TNFAIP8L3: variants seen among roughly 807,000 people sequenced by gnomAD.
TNFAIP8L3 encodes TNF alpha induced protein 8 like 3, also known as tumor necrosis factor alpha-induced protein 8-like protein 3.
A neutral mutation model predicts 11.8 loss-of-function variants in TNFAIP8L3; 7 were observed. The observed-to-expected ratio is 0.59, with a 90% confidence interval of 0.34 to 1.11. The LOEUF (loss-of-function observed/expected upper bound fraction) is 1.11. Ranked by LOEUF, TNFAIP8L3 falls within the 50% of genes most tolerant of loss-of-function variation. TNFAIP8L3 has a pLI of 0.03. For synonymous variants in TNFAIP8L3, 98 were observed against 103.8 expected (o/e 0.94, Z 0.34); for missense variants, 219 against 258.6 (o/e 0.85, Z 1.05).
intron 1 of TNFAIP8L3, among the ~76,000 whole-genome samples, chr15:51,058,895 T>G (rs2065223959): frequency 6.6e-6 from 1 of 152,192 alleles, no homozygotes; most frequent in African/African-American, 2.4e-5. Flanking sequence ...CAGACATGGA[T>G]AGTTGATCAT....
Position 51,094,601 on chromosome 15 carries a change from G to C in TNFAIP8L3, c.-6C>G. On this transcript the variant is annotated 5_prime_UTR_variant, in exon 1 of 2. Transcript: ENST00000637513. The surrounding 1 kb of genome is among the most constrained non-coding windows in gnomAD (Gnocchi z 4.4). ...TCCCCGGAATCCGAATCCATGCTGC[G>C]GGCTGCTGGCTGGGCGTCCACGGCC... The C allele has an allele frequency of 6.7e-7, 1 of 1,483,948 alleles. No homozygotes were observed. The highest frequency in any genetic ancestry group is 8.9e-7 in the Non-Finnish European group (1 of 1,121,294). 91.9% of individuals were successfully genotyped at this position (1,483,948 alleles called of 1,614,324 possible). A position where few individuals can be genotyped will look rare whatever the true frequency, so the allele number is the denominator to read the frequency against.
At chr15:51,085,139 A>G (rs1333870406) in intron 1 of TNFAIP8L3, among the ~76,000 whole-genome samples, 2 of 152,196 alleles carry the variant, frequency 1.3e-5, no homozygotes, top group Non-Finnish European at 2.9e-5. Context: ...GTTAAATCCT[A>G]AAGGTAGAGA....
chr15:51,103,109 C>T lies in TNFAIP8L3; in HGVS notation c.172+1896G>A, dbSNP rs572272014. Among the ~76,000 whole-genome samples, 7 of 152,250 alleles carry T rather than the reference C, an allele frequency of 4.6e-5. No homozygotes were observed. In the East Asian group the frequency reaches 5.8e-4, roughly 13 times the overall value. On this transcript the variant is annotated intron_variant, in intron 1 of 2. Transcript: ENST00000327536. ...TCTATCTATCCAACATTTTCTTTCC[C>T]GCCAAGTCTTCTCTTGGCATTGTCC...
intron 1 of TNFAIP8L3, among the ~76,000 whole-genome samples, chr15:51,082,489 A>G (rs2065399423): frequency 6.6e-6 from 1 of 152,210 alleles, no homozygotes; most frequent in African/African-American, 2.4e-5. Context: ...ATAACTGTAC[A>G]CTACTATAGA....
At chr15:51,059,834 C>T (rs541865532) in intron 1 of TNFAIP8L3, among the ~76,000 whole-genome samples, 9 of 152,352 alleles carry the variant, frequency 5.9e-5, no homozygotes, top group East Asian at 3.9e-4. Context: ...GCAGACAGAG[C>T]GACGGCCACA....
At chr15:51,074,034 T>C (rs2065332291) in intron 1 of TNFAIP8L3, among the ~76,000 whole-genome samples, 1 of 152,256 alleles carries the variant, frequency 6.6e-6, no homozygotes, top group South Asian at 2.1e-4. Flanking sequence ...ATGATGCATA[T>C]GTATTTACTA....
At chr15:51,084,608 A>G (rs1013441427) in intron 1 of TNFAIP8L3, among the ~76,000 whole-genome samples, 2 of 152,124 alleles carry the variant, frequency 1.3e-5, no homozygotes, top group African/African-American at 4.8e-5. Flanking sequence ...CTGTTCTATG[A>G]TTTCACAGTC....
At chr15:51,098,932 G>C (rs537368300), upstream of TNFAIP8L3, among the ~76,000 whole-genome samples, 1 of 152,258 alleles carries the variant, frequency 6.6e-6, no homozygotes, top group South Asian at 2.1e-4. Context: ...CCAATTTTCT[G>C]CTATAATAGC....
chr15:51,080,735 G>A (rs150440740), intron 1 of TNFAIP8L3, among the ~76,000 whole-genome samples: 1 of 152,368 alleles, frequency 6.6e-6, no homozygotes, highest in African/African-American at 2.4e-5. Context: ...ACCATGTAAG[G>A]TGTACTTAAA....
intron 1 of TNFAIP8L3, chr15:51,069,357 T>C (rs553968398): frequency 8.5e-5 from 13 of 152,238 alleles, no homozygotes; most frequent in Non-Finnish European, 1.6e-4. Flanking sequence ...TTAAGGGTGC[T>C]GAATAAGAAC....
Position 51,078,111 on chromosome 15 carries a change from C to A in TNFAIP8L3, c.52+16433G>T, listed in dbSNP as rs139083886. On this transcript the variant is annotated intron_variant, in intron 1 of 1. Coordinates refer to ENST00000637513, the MANE Select transcript of TNFAIP8L3 (RefSeq NM_001311175.2). ...AAAAAATAAATAGTGATTGGGCAGC[C>A]CCGGAAGAGGCCTGAGGAGGGAATG... 1.1e-4 allele frequency among the ~76,000 whole-genome samples: 16 copies of A among 152,130 alleles called. No individual in the cohort carries two copies. In the East Asian group the frequency reaches 2.9e-3, roughly 28 times the overall value.
rs201353895 is a variant in TNFAIP8L3 at position 51,058,109 on chromosome 15, G to A, written c.387C>T (p.Phe129=). ...GGAGATTGGAGAGCACGTTCCTATC[G>A]AAGGTGTATTCCACCTCATAGAAGC... ...IVSFYEVEYT[F]DRNVLSNLLH... is the part of the protein sequence containing the mutation. Residue 129 remains phenylalanine (F), a synonymous_variant, in exon 2 of 2, where the codon TTC becomes TTT. Transcript: ENST00000637513. 88 of 1,614,132 alleles carry A rather than the reference G, an allele frequency of 5.5e-5. No individual in the cohort carries two copies. The highest frequency in any genetic ancestry group is 1.7e-4 in the Middle Eastern group (1 of 6,058).
intron 1 of TNFAIP8L3, among the ~76,000 whole-genome samples, chr15:51,102,496 A>G (rs531169027): frequency 2.2e-4 from 33 of 152,348 alleles, no homozygotes; most frequent in African/African-American, 7.2e-4. Context: ...GAAAAGCTAA[A>G]TACATGTTCC....
intron 1 of TNFAIP8L3, among the ~76,000 whole-genome samples, chr15:51,062,228 C>T (rs769697677): frequency 1.3e-5 from 2 of 151,176 alleles, no homozygotes; most frequent in Non-Finnish European, 2.9e-5. Flanking sequence ...GAGCTGTGAT[C>T]ATGCCACTGC....
intron 1 of TNFAIP8L3, among the ~76,000 whole-genome samples, chr15:51,063,921 C>A (rs1298389990): frequency 6.6e-6 from 1 of 152,110 alleles, no homozygotes; most frequent in African/African-American, 2.4e-5. Flanking sequence ...GTACTTTTCC[C>A]CAAGTCACAA....
intron 1 of TNFAIP8L3, among the ~76,000 whole-genome samples, chr15:51,071,038 G>C (rs1161803158): frequency 9.4e-6 from 1 of 106,250 alleles, no homozygotes; most frequent in Non-Finnish European, 1.8e-5. Context: ...GCGACAGAGC[G>C]AGACTCCGTC....
At chr15:51,080,718 G>A (rs576694356) in intron 1 of TNFAIP8L3, among the ~76,000 whole-genome samples, 1 of 152,374 alleles carries the variant, frequency 6.6e-6, no homozygotes, top group South Asian at 2.1e-4. Flanking sequence ...CATGTAAAGT[G>A]TAAATAACCA....
chr15:51,060,636 A>G (rs2065236910), intron 1 of TNFAIP8L3, among the ~76,000 whole-genome samples: 1 of 152,234 alleles, frequency 6.6e-6, no homozygotes, highest in Admixed American at 6.5e-5. Flanking sequence ...CACACTGGCC[A>G]CACACAGCAG....
exon 1 of TNFAIP8L3, chr15:51,105,194 T>C (rs1362165866): frequency 6.2e-7 from 1 of 1,611,742 alleles, no homozygotes; most frequent in Non-Finnish European, 8.5e-7. Flanking sequence ...CAGGTGTCCT[T>C]CTTGGGACAG....
Sources: gnomAD v4.1 joint callset for allele counts (sites outside exome capture counted in the v4.1 genomes callset) on GRCh38, gnomAD v4.1.1 for gene constraint, Gnocchi (gnomAD v3.1) non-coding constraint, MANE v1.5 for transcripts, NCBI Gene and HGNC (gene_info 2026-07-23, HGNC 2026-07-21) for gene names.